SGCZ: variants seen among roughly 807,000 people sequenced by gnomAD.
SGCZ encodes the protein zeta-sarcoglycan.
SGCZ carries 40 observed loss-of-function variants against 41.3 expected under a neutral mutation model. That is an observed-to-expected ratio of 0.97 (90% CI 0.75 to 1.26). The LOEUF is 1.26. Ranked by LOEUF, SGCZ falls within the 50% of genes most tolerant of loss-of-function variation. SGCZ has a pLI of 0.00. For missense variants in SGCZ, 552 were observed against 369.8 expected (o/e 1.49, Z -4.04); for synonymous variants, 206 against 137.5 (o/e 1.50, Z -3.49).
intron 1 of SGCZ, among the ~76,000 whole-genome samples, chr8:15,194,245 G>C (rs1001084968): frequency 4.1e-5 from 6 of 147,820 alleles, no homozygotes; most frequent in Admixed American, 2.7e-4. Flanking sequence ...CCTCCCTTTG[G>C]TATAACTCAT....
intron 1 of SGCZ, among the ~76,000 whole-genome samples, chr8:14,890,256 AAAAGGAAGG>A (rs930799552): frequency 4.2e-4 from 64 of 152,056 alleles, no homozygotes; most frequent in African/African-American, 1.5e-3. Flanking sequence ...GAGAGAAAGG[AAAAGGAAGG>A]AAAGGAAGGA....
intron 2 of SGCZ, among the ~76,000 whole-genome samples, chr8:14,328,502 A>G (rs1391140999): frequency 6.6e-6 from 1 of 152,182 alleles, no homozygotes; most frequent in African/African-American, 2.4e-5. Context: ...TGTCTATGAT[A>G]AAGATTACAT....
chr8:14,715,448 G>A (rs1457307627), intron 1 of SGCZ, among the ~76,000 whole-genome samples: 1 of 151,850 alleles, frequency 6.6e-6, no homozygotes, highest in Non-Finnish European at 1.5e-5. Flanking sequence ...ACCTATCTAT[G>A]GCATAAAGGT....
chr8:14,214,905 T>A lies in SGCZ; in HGVS notation c.424+22687A>T, dbSNP rs73528758. Among the ~76,000 whole-genome samples the A allele has an allele frequency of 8.1e-3, 1,230 of 152,050 alleles. 15 individuals are homozygous for A. The highest frequency in any genetic ancestry group is 0.028 in the African/African-American group (1,178 of 41,476). ...GAGTTGAGGAGAAAAAATGGATAAATCCACAAATTATAGCTGGATACTTCA... is the reference window on the plus strand; with the variant it reads ...GAGTTGAGGAGAAAAAATGGATAAAACCACAAATTATAGCTGGATACTTCA... On this transcript the variant is annotated intron_variant, in intron 4 of 7. Coordinates refer to ENST00000382080, the MANE Select transcript of SGCZ (RefSeq NM_139167.4).
At chr8:14,772,559 C>T (rs996563469) in intron 1 of SGCZ, among the ~76,000 whole-genome samples, 3 of 146,936 alleles carry the variant, frequency 2.0e-5, no homozygotes, top group Admixed American at 6.8e-5. Flanking sequence ...GGTATATCTC[C>T]TAATGCTCTC....
chr8:15,032,676 G>T (rs1007485024), intron 1 of SGCZ, among the ~76,000 whole-genome samples: 15 of 152,078 alleles, frequency 9.9e-5, no homozygotes, highest in African/African-American at 3.6e-4. Context: ...CTACCCCATT[G>T]CCAGGTCAGC....
At chr8:15,052,725 T>A (rs1264802800) in intron 1 of SGCZ, among the ~76,000 whole-genome samples, 2 of 152,110 alleles carry the variant, frequency 1.3e-5, no homozygotes, top group African/African-American at 4.8e-5. Context: ...AAACACCTAA[T>A]AAATTTCATC....
intron 1 of SGCZ, among the ~76,000 whole-genome samples, chr8:14,844,521 C>G (rs1393895213): frequency 2.6e-5 from 4 of 152,140 alleles, no homozygotes; most frequent in Non-Finnish European, 5.9e-5. Context: ...CTTCTATCCC[C>G]TTTACCATGA....
intron 2 of SGCZ, among the ~76,000 whole-genome samples, chr8:14,373,052 A>C (rs1803968601): frequency 6.6e-6 from 1 of 152,214 alleles, no homozygotes; most frequent in Non-Finnish European, 1.5e-5. Flanking sequence ...GAACAGAAGG[A>C]GAAGATCAGT....
At chr8:14,861,969 A>G (rs1163561757) in intron 1 of SGCZ, among the ~76,000 whole-genome samples, 1 of 152,150 alleles carries the variant, frequency 6.6e-6, no homozygotes, top group Non-Finnish European at 1.5e-5. Flanking sequence ...TCCACTATAA[A>G]GGCACATTAA....
At chr8:15,081,139 T>C (rs1483241819) in intron 1 of SGCZ, among the ~76,000 whole-genome samples, 2 of 152,180 alleles carry the variant, frequency 1.3e-5, no homozygotes, top group Non-Finnish European at 2.9e-5. Context: ...ACTCATATAG[T>C]ATGCTTCTCA....
intron 1 of SGCZ, among the ~76,000 whole-genome samples, chr8:15,090,694 C>A (rs1207406731): frequency 6.6e-6 from 1 of 152,092 alleles, no homozygotes; most frequent in Non-Finnish European, 1.5e-5. Context: ...TAAAGCCAAG[C>A]GTTGATAGGA....
chr8:14,438,910 G>A (rs1800166745), intron 2 of SGCZ, among the ~76,000 whole-genome samples: 2 of 151,978 alleles, frequency 1.3e-5, no homozygotes, highest in South Asian at 2.1e-4. Context: ...TAATGATCTT[G>A]TAAGAGAAGT....
intron 1 of SGCZ, among the ~76,000 whole-genome samples, chr8:14,957,390 T>A (rs574066876): frequency 6.6e-6 from 1 of 152,192 alleles, no homozygotes; most frequent in South Asian, 2.1e-4. Flanking sequence ...CTACCTTTTT[T>A]AGATGTATTT....
intron 1 of SGCZ, among the ~76,000 whole-genome samples, chr8:14,970,721 T>C (rs1392390820): frequency 1.3e-5 from 2 of 152,188 alleles, no homozygotes; most frequent in African/African-American, 2.4e-5. Flanking sequence ...TGAGTCTTGA[T>C]ATCAGAGAGT....
At chr8:15,018,345 G>A (rs1803118898) in intron 1 of SGCZ, among the ~76,000 whole-genome samples, 1 of 152,212 alleles carries the variant, frequency 6.6e-6, no homozygotes, top group Non-Finnish European at 1.5e-5. Flanking sequence ...GTGAATGGAT[G>A]AAGGCAATAA....
At chr8:14,552,422 G>A (rs2117185070) in intron 2 of SGCZ, among the ~76,000 whole-genome samples, 1 of 152,082 alleles carries the variant, frequency 6.6e-6, no homozygotes, top group East Asian at 1.9e-4. Context: ...TTTTACTTCA[G>A]CTACATGCAA....
At chr8:14,312,578 CT>C (rs1217722067) in intron 3 of SGCZ, among the ~76,000 whole-genome samples, 3 of 152,002 alleles carry the variant, frequency 2.0e-5, no homozygotes, top group Non-Finnish European at 2.9e-5. Flanking sequence ...ATAATCACAC[CT>C]GTGAATAGCC....
At chr8:14,163,101 G>C (rs1804096082) in intron 5 of SGCZ, among the ~76,000 whole-genome samples, 1 of 152,058 alleles carries the variant, frequency 6.6e-6, no homozygotes, top group South Asian at 2.1e-4. Flanking sequence ...TGAACCAAGC[G>C]ATTCTCTCAC....
Sources: gnomAD v4.1 joint callset for allele counts (sites outside exome capture counted in the v4.1 genomes callset) on GRCh38, gnomAD v4.1.1 for gene constraint, MANE v1.5 for transcripts, NCBI Gene and HGNC (gene_info 2026-07-23, HGNC 2026-07-21) for gene names.